Variants in GDI2 observed in about 807,000 individuals in gnomAD.
GDI2 encodes the protein rab GDP dissociation inhibitor beta.
GDI2 carries 22 observed loss-of-function variants against 54.2 expected under a neutral mutation model. The observed-to-expected ratio is 0.41, with a 90% CI of 0.29 to 0.58. The LOEUF (loss-of-function observed/expected upper bound fraction) is 0.58. GDI2 is among the 20% of genes least tolerant of loss of function. The pLI is 0.35. For missense variants in GDI2, 422 were observed against 546.0 expected, an observed-to-expected ratio of 0.77 and a Z score of 2.26; for synonymous variants, 177 against 182.1, an observed-to-expected ratio of 0.97 and a Z score of 0.23.
intron 7 of GDI2, among the ~76,000 whole-genome samples, chr10:5,772,627 T>G (rs61836364): frequency 6.6e-6 from 1 of 152,028 alleles, no homozygotes; most frequent in Non-Finnish European, 1.5e-5. Context: ...CATGGTGGCA[T>G]GCATCTGTAA....
intron 5 of GDI2, among the ~76,000 whole-genome samples, 158 bp from the exon 6 acceptor site, chr10:5,785,431 G>C (rs1308998080): frequency 1.3e-5 from 2 of 152,090 alleles, no homozygotes; most frequent in Non-Finnish European, 2.9e-5. Context: ...CTGGAGTGCA[G>C]TGGTGCAATC....
intron 1 of GDI2, among the ~76,000 whole-genome samples, chr10:5,806,689 A>C (rs890466787): frequency 6.6e-6 from 1 of 152,000 alleles, no homozygotes; most frequent in African/African-American, 2.4e-5. Flanking sequence ...ACTGACTAAA[A>C]CAATTTACTT....
At chr10:5,802,501 A>G (rs1410833691) in intron 1 of GDI2, among the ~76,000 whole-genome samples, 1 of 152,024 alleles carries the variant, frequency 6.6e-6, no homozygotes, top group Non-Finnish European at 1.5e-5. Context: ...CGGGAGGCTG[A>G]GGCAGGAGAA....
chr10:5,790,189 G>A (rs1468724379), intron 4 of GDI2, among the ~76,000 whole-genome samples: 5 of 152,276 alleles, frequency 3.3e-5, no homozygotes, highest in Admixed American at 6.5e-5. Context: ...GCAGTTGCCC[G>A]CCATTTCAGA....
At chr10:5,777,982 G>C (rs887643924) in intron 6 of GDI2, among the ~76,000 whole-genome samples, 1 of 152,214 alleles carries the variant, frequency 6.6e-6, no homozygotes, top group African/African-American at 2.4e-5. Context: ...CATGTCCTTT[G>C]CAGGGACATG....
intron 1 of GDI2, among the ~76,000 whole-genome samples, chr10:5,807,190 G>A (rs1239936892): frequency 6.6e-6 from 1 of 152,202 alleles, no homozygotes; most frequent in Non-Finnish European, 1.5e-5. Context: ...AAACATGGGT[G>A]AAGTCATTAA....
chr10:5,813,393 A>C lies in GDI2; in HGVS notation c.-135T>G. 1 of 583,146 alleles carries C rather than the reference A, an allele frequency of 1.7e-6. No individual in the cohort carries two copies. The highest frequency in any genetic ancestry group is 2.1e-5 in the South Asian group (1 of 47,566). The allele number at this position is 583,146 out of a possible 1,614,324, so 36.1% of individuals were successfully genotyped here. ...AAGAGAGGAAAATGGAGCTGGCGAC[A>C]AGGCGAGACCGACCGCCACCTCAGA... On this transcript the variant is annotated 5_prime_UTR_variant, in exon 1 of 11. Coordinates refer to ENST00000380191, the MANE Select transcript of GDI2 (RefSeq NM_001494.4).
intron 6 of GDI2, among the ~76,000 whole-genome samples, chr10:5,783,737 G>A (rs951471766): frequency 1.3e-5 from 2 of 152,150 alleles, no homozygotes; most frequent in Non-Finnish European, 2.9e-5. Context: ...AAAATTACTG[G>A]CTGATAACTT....
chr10:5,777,558 C>A (rs548874750), intron 6 of GDI2, among the ~76,000 whole-genome samples: 22 of 152,228 alleles, frequency 1.4e-4, no homozygotes, highest in African/African-American at 5.3e-4. Flanking sequence ...TAGAGAAATA[C>A]AAATCAAAAC....
chr10:5,811,987 C>T (rs1588993622), intron 1 of GDI2: 1 of 633,708 alleles, frequency 1.6e-6, no homozygotes, highest in South Asian at 1.8e-5. Context: ...ATTGGTTTGA[C>T]CCTGAGAGAT....
Position 5,776,044 on chromosome 10 carries a change from T to A in GDI2, c.720-2103A>T. 5.3e-6 allele frequency: 1 copy of A among 188,824 alleles called. No homozygotes were observed. Among genetic ancestry groups the A allele is most frequent in the East Asian group, 1.6e-4 (1 of 6,432 alleles). 11.7% of individuals were successfully genotyped at this position (188,824 alleles called of 1,614,324 possible). ...CTGCTCCCCTTCCTAAGGCTGCCAC[T>A]TACCCCGGAGTCTATGAAAATAATG... is the stretch of plus-strand genomic sequence containing the variant. On this transcript the variant is annotated intron_variant, in intron 6 of 10. Coordinates refer to ENST00000380191, the MANE Select transcript of GDI2 (RefSeq NM_001494.4). The surrounding 1 kb of genome is among the most constrained non-coding windows in gnomAD (Gnocchi z 5.3).
chr10:5,766,336 A>G lies in GDI2; in HGVS notation c.1137-41T>C, dbSNP rs370732229. On this transcript the variant is annotated intron_variant, in intron 9 of 10. Transcript: ENST00000380191. This position sits in a 1 kb window ranked among gnomAD's most constrained non-coding sequence, Gnocchi z 5.8. Reference sequence around the variant, plus strand: ...ATTCAGTCAGGTGAGCTGGTCCCACACCTGACCATGGCTCTGCCTGAGGTC... The same window carrying G: ...ATTCAGTCAGGTGAGCTGGTCCCACGCCTGACCATGGCTCTGCCTGAGGTC... 3 of 1,553,236 alleles carry G rather than the reference A, an allele frequency of 1.9e-6. No individual in the cohort carries two copies. The highest frequency in any genetic ancestry group is 1.8e-6 in the Non-Finnish European group (2 of 1,124,508).
chr10:5,791,639 C>T (rs1310034929), intron 4 of GDI2, among the ~76,000 whole-genome samples: 1 of 151,442 alleles, frequency 6.6e-6, no homozygotes, highest in Non-Finnish European at 1.5e-5. Context: ...CCCAACTACT[C>T]GGGAGGCTGA....
At chr10:5,800,404 A>G (rs568944296) in intron 2 of GDI2, among the ~76,000 whole-genome samples, 194 bp downstream of exon 2, 26 of 152,244 alleles carry the variant, frequency 1.7e-4, no homozygotes, top group Non-Finnish European at 3.2e-4. Flanking sequence ...GCTAAGAGAT[A>G]ACTGCTCCAC....
At chr10:5,773,968 A>C in intron 6 of GDI2, 27 bp from the exon 7 acceptor site, 1 of 922,972 alleles carries the variant, frequency 1.1e-6, no homozygotes. Context: ...ATCCCAATTA[A>C]TAATATATAG....
chr10:5,802,783 A>G (rs1300119839), intron 1 of GDI2, among the ~76,000 whole-genome samples: 2 of 152,242 alleles, frequency 1.3e-5, no homozygotes, highest in Non-Finnish European at 2.9e-5. Flanking sequence ...CTTGTTTTCC[A>G]AATAACGGGT....
chr10:5,789,785 C>T (rs1364305708), intron 4 of GDI2, among the ~76,000 whole-genome samples: 2 of 152,262 alleles, frequency 1.3e-5, no homozygotes, highest in South Asian at 2.1e-4. Flanking sequence ...ATACACGGTG[C>T]CACTGTAAAC....
rs901472862 is a variant in GDI2, at chr10:5,766,836, T to G, written c.992-198A>C. Among the ~76,000 whole-genome samples, 1 of 152,228 alleles carries G rather than the reference T, an allele frequency of 6.6e-6. No homozygotes were observed. Among genetic ancestry groups the G allele is most frequent in the African/African-American group, 2.4e-5 (1 of 41,456 alleles). On this transcript the variant is annotated intron_variant, in intron 8 of 10. Coordinates refer to ENST00000380191, the MANE Select transcript of GDI2 (RefSeq NM_001494.4). This position sits in a 1 kb window ranked among gnomAD's most constrained non-coding sequence, Gnocchi z 5.8. Reference sequence around the variant, plus strand: ...TTAACAATAGGAATTTCTTTTAACCTACTAGAGATTAAGAATTGAAGTGGT... The same window carrying G: ...TTAACAATAGGAATTTCTTTTAACCGACTAGAGATTAAGAATTGAAGTGGT...
intron 4 of GDI2, among the ~76,000 whole-genome samples, chr10:5,790,163 C>T (rs1420242607): frequency 1.3e-5 from 2 of 152,226 alleles, no homozygotes; most frequent in South Asian, 4.1e-4. Context: ...TACCAACTGA[C>T]TTCAGGTCTG....
Sources: allele counts gnomAD v4.1 joint callset (sites outside exome capture counted in the v4.1 genomes callset), GRCh38; gene constraint gnomAD v4.1.1; non-coding constraint Gnocchi (gnomAD v3.1); transcripts MANE v1.5; gene names NCBI Gene and HGNC (gene_info 2026-07-23, HGNC 2026-07-21).